The following LOXHD1 variants were observed in gnomAD, a reference collection of about 807,000 sequenced individuals.
LOXHD1 encodes the protein lipoxygenase homology domain-containing protein 1.
Under a neutral mutation model 248.2 loss-of-function variants are expected in LOXHD1, and 205 were observed. The observed-to-expected ratio is 0.83, with a 90% CI of 0.74 to 0.93. LOXHD1 has a LOEUF of 0.93. Among genes scored for constraint, LOXHD1 ranks in the 40% least tolerant of loss-of-function variants. The pLI is 0.00. For missense variants in LOXHD1, 2,930 were observed against 2,971.6 expected, an observed-to-expected ratio of 0.99 and a Z score of 0.33; for synonymous variants, 1,113 against 1,162.8, an observed-to-expected ratio of 0.96 and a Z score of 0.87.
chr18:46,594,708 A>G (rs904711761), intron 8 of LOXHD1, among the ~76,000 whole-genome samples: 4 of 152,186 alleles, frequency 2.6e-5, no homozygotes, highest in African/African-American at 7.2e-5. Flanking sequence ...CTTTTCCTCT[A>G]TACACAACAC....
chr18:46,511,074 T>C (rs1306190868), intron 34 of LOXHD1, among the ~76,000 whole-genome samples: 3 of 152,218 alleles, frequency 2.0e-5, no homozygotes, highest in African/African-American at 4.8e-5. Context: ...CTTCATTTTA[T>C]GGAGATTTTA....
chr18:46,630,628 T>G (rs2038807943), intron 4 of LOXHD1, among the ~76,000 whole-genome samples: 1 of 152,230 alleles, frequency 6.6e-6, no homozygotes, highest in Non-Finnish European at 1.5e-5. Flanking sequence ...GGCAGGGATG[T>G]GCCCAGGGCT....
chr18:46,542,855 C>G lies in LOXHD1; in HGVS notation c.3620G>C (p.Gly1207Ala). Reference sequence around the variant, plus strand: ...CTTGGAGGACTTCAGGAGGGTCATTCCTGTGGATCAGATGACCCCAGCATG... The same window carrying G: ...CTTGGAGGACTTCAGGAGGGTCATTGCTGTGGATCAGATGACCCCAGCATG... Reference protein sequence around the residue: ...ITLFGTQDDTGMTLLKSSKTN... With the variant: ...ITLFGTQDDTAMTLLKSSKTN... Residue 1207 changes from glycine to alanine, a missense_variant and splice_region_variant, in exon 24 of 41, where the codon GGA (glycine) becomes GCA (alanine). Coordinates refer to ENST00000642948, the MANE Select transcript of LOXHD1 (RefSeq NM_001384474.1). The G allele has an allele frequency of 1.9e-6, 3 of 1,551,706 alleles. No homozygotes were observed. Among genetic ancestry groups the G allele is most frequent in the African/African-American group, 1.4e-5 (1 of 73,156 alleles).
chr18:46,609,527 C>G (rs1434716103), intron 6 of LOXHD1, among the ~76,000 whole-genome samples: 1 of 152,164 alleles, frequency 6.6e-6, no homozygotes, highest in Non-Finnish European at 1.5e-5. Flanking sequence ...TCTCAAAATA[C>G]TTTTTCAAAA....
At chr18:46,528,298 A>C (rs2035912599) in intron 29 of LOXHD1, among the ~76,000 whole-genome samples, 1 of 151,978 alleles carries the variant, frequency 6.6e-6, no homozygotes, top group South Asian at 2.1e-4. Flanking sequence ...GGAGAGGAGA[A>C]GGAAAGGAGG....
At chr18:46,513,463 GC>G (rs2035081685) in intron 34 of LOXHD1, among the ~76,000 whole-genome samples, 1 of 152,204 alleles carries the variant, frequency 6.6e-6, no homozygotes, top group African/African-American at 2.4e-5. Flanking sequence ...ATTCCAGTGG[GC>G]CCTTAATGTA....
intron 2 of LOXHD1, among the ~76,000 whole-genome samples, chr18:46,647,936 G>C (rs1393377889): frequency 6.6e-6 from 1 of 152,182 alleles, no homozygotes; most frequent in African/African-American, 2.4e-5. Flanking sequence ...GGGTCATGTG[G>C]TCAAGGGAAA....
intron 14 of LOXHD1, among the ~76,000 whole-genome samples, chr18:46,574,588 G>A (rs901504197): frequency 1.8e-4 from 26 of 148,476 alleles, no homozygotes; most frequent in South Asian, 6.4e-4. Flanking sequence ...CACTACATGT[G>A]TCAGCAAGAC....
chr18:46,506,198 A>G (rs774749882), intron 36 of LOXHD1, among the ~76,000 whole-genome samples, 175 bp from the exon 37 acceptor site: 6 of 152,046 alleles, frequency 3.9e-5, no homozygotes, highest in Admixed American at 2.0e-4. Context: ...CAGGTCTCCA[A>G]TTCTCTTCTT....
At chr18:46,519,954 G>A (rs1466087371) in intron 33 of LOXHD1, among the ~76,000 whole-genome samples, 2 of 151,142 alleles carry the variant, frequency 1.3e-5, no homozygotes, top group Non-Finnish European at 3.0e-5. Flanking sequence ...GGATTTTCCT[G>A]GACTAAAGGG....
intron 4 of LOXHD1, among the ~76,000 whole-genome samples, chr18:46,630,155 G>A (rs328190): frequency 0.82 from 124,111 of 152,174 alleles, 50,630 homozygotes; most frequent in East Asian, 0.98. Context: ...GCTTCTGCCA[G>A]TGCCTGAGTC....
Position 46,546,989 on chromosome 18 carries a change from C to T in LOXHD1, c.3420G>A (p.Leu1140=). The change falls in exon 22 of 41, where the codon TTG becomes TTA. Residue 1140 remains leucine, a synonymous_variant. Coordinates refer to ENST00000642948, the MANE Select transcript of LOXHD1 (RefSeq NM_001384474.1). ...EDDGQLSREL[L]PVDESYVLPQ... is the part of the protein sequence containing the mutation. ...GCAGCACATAGGACTCATCCACTGG[C>T]AACAGCTCCCTGGACAGCTGGCCAT... The T allele has an allele frequency of 6.4e-7, 1 of 1,551,768 alleles. No individual in the cohort carries two copies. The highest frequency in any genetic ancestry group is 8.7e-7 in the Non-Finnish European group (1 of 1,147,010).
chr18:46,598,848 A>G (rs189635376), intron 8 of LOXHD1, among the ~76,000 whole-genome samples: 14 of 152,326 alleles, frequency 9.2e-5, no homozygotes, highest in Non-Finnish European at 1.2e-4. Context: ...GGGAAAGTCA[A>G]TATAGTAAAG....
intron 40 of LOXHD1, among the ~76,000 whole-genome samples, chr18:46,478,468 C>T (rs1205318444): frequency 6.6e-6 from 1 of 152,156 alleles, no homozygotes; most frequent in Non-Finnish European, 1.5e-5. Flanking sequence ...TATCAAGAGC[C>T]TCCTAACTGG....
rs763038988 is a variant in LOXHD1, at chr18:46,560,072, G to A, written c.3061+11C>T. 1.5e-4 allele frequency: 28 copies of A among 189,886 alleles called. No homozygotes were observed. Among genetic ancestry groups the A allele is most frequent in the African/African-American group, 5.2e-4 (5 of 9,616 alleles). 11.8% of individuals were successfully genotyped at this position (189,886 alleles called of 1,614,324 possible). ...CTCCCTCCCCACCCCCACCCCCCAC[G>A]ACCCACTTACGCTCAGGACCCGGCT... is the stretch of plus-strand genomic sequence containing the variant. On this transcript the variant is annotated intron_variant, in intron 19 of 40. Coordinates refer to ENST00000642948, the MANE Select transcript of LOXHD1 (RefSeq NM_001384474.1).
intron 23 of LOXHD1, chr18:46,544,956 A>C (rs749041736): frequency 4.2e-6 from 2 of 481,600 alleles, no homozygotes; most frequent in South Asian, 3.1e-5. Flanking sequence ...CCAACACTAA[A>C]CACCACCTTC....
At chr18:46,522,698 G>A (rs1450575983) in intron 31 of LOXHD1, among the ~76,000 whole-genome samples, 3 of 152,108 alleles carry the variant, frequency 2.0e-5, no homozygotes, top group African/African-American at 7.2e-5. Flanking sequence ...AAATGCTGTT[G>A]GCAAAAGCAA....
At chr18:46,535,176 T>C (rs1049164955) in intron 26 of LOXHD1, among the ~76,000 whole-genome samples, 5 of 152,110 alleles carry the variant, frequency 3.3e-5, no homozygotes, top group Admixed American at 2.6e-4. Context: ...ACACCTACCA[T>C]CTCTTTCACC....
At chr18:46,611,631 A>AT (rs1025732273) in intron 5 of LOXHD1, among the ~76,000 whole-genome samples, 1 of 151,920 alleles carries the variant, frequency 6.6e-6, no homozygotes, top group Non-Finnish European at 1.5e-5. Context: ...TTTCTTTTTA[A>AT]TTTTTTTTAA....
Sources: allele counts gnomAD v4.1 joint callset (sites outside exome capture counted in the v4.1 genomes callset), GRCh38; gene constraint gnomAD v4.1.1; transcripts MANE v1.5; gene names NCBI Gene and HGNC (gene_info 2026-07-23, HGNC 2026-07-21).